MAD1L1: variants seen among roughly 807,000 people sequenced by gnomAD.
MAD1L1 encodes the protein mitotic spindle assembly checkpoint protein MAD1.
MAD1L1 carries 95 observed loss-of-function variants against 96.9 expected under a neutral mutation model. The observed-to-expected ratio is 0.98, with a 90% CI of 0.83 to 1.16. MAD1L1 has a LOEUF of 1.16. Ranked by LOEUF, MAD1L1 falls within the 50% of genes most tolerant of loss-of-function variation. The pLI, the probability that MAD1L1 is intolerant of heterozygous loss-of-function variation, is 0.00. For missense variants in MAD1L1, 1,007 were observed against 954.4 expected, an observed-to-expected ratio of 1.06 and a Z score of -0.73; for synonymous variants, 473 against 396.6, an observed-to-expected ratio of 1.19 and a Z score of -2.29.
chr7:1,961,183 A>G (rs1041634473), intron 15 of MAD1L1, among the ~76,000 whole-genome samples: 3 of 152,262 alleles, frequency 2.0e-5, no homozygotes, highest in East Asian at 1.9e-4. Context: ...TTCTCCCCCA[A>G]ATTAATCCAC....
chr7:1,984,560 GAT>G (rs1781060094), intron 14 of MAD1L1, among the ~76,000 whole-genome samples: 1 of 152,214 alleles, frequency 6.6e-6, no homozygotes, highest in Non-Finnish European at 1.5e-5. Context: ...CAACAGCGGT[GAT>G]GTGTTATTTG....
At chr7:2,196,226 A>G (rs186848179) in intron 10 of MAD1L1, among the ~76,000 whole-genome samples, 331 of 152,378 alleles carry the variant, frequency 2.2e-3, no homozygotes, top group Non-Finnish European at 2.9e-3. Context: ...AGGCTTTGTC[A>G]ACTACACAGC....
intron 3 of MAD1L1, among the ~76,000 whole-genome samples, chr7:2,226,851 G>A (rs377715171): frequency 2.0e-4 from 31 of 151,736 alleles, no homozygotes; most frequent in African/African-American, 6.5e-4. Flanking sequence ...TTAGCTGGTC[G>A]TGGTGGTACG....
chr7:2,085,304 G>A (rs867201634), intron 11 of MAD1L1, among the ~76,000 whole-genome samples: 4 of 152,174 alleles, frequency 2.6e-5, no homozygotes, highest in Non-Finnish European at 2.9e-5. Context: ...AGCAAGTAAC[G>A]GTGCCTGCTA....
At chr7:1,963,053 G>A (rs545065650) in intron 15 of MAD1L1, among the ~76,000 whole-genome samples, 11 of 152,292 alleles carry the variant, frequency 7.2e-5, no homozygotes, top group Admixed American at 3.3e-4. Context: ...GGGCAACCTC[G>A]GAACACGTTA....
At chr7:1,906,049 CAAAAAAAAA>C (rs10570929) in intron 17 of MAD1L1, among the ~76,000 whole-genome samples, 1 of 91,976 alleles carries the variant, frequency 1.1e-5, no homozygotes, top group Non-Finnish European at 2.1e-5. Context: ...GACTCCATCT[CAAAAAAAAA>C]AAAAAAAAAA....
At chr7:2,045,918 T>G (rs7801349) in intron 12 of MAD1L1, among the ~76,000 whole-genome samples, 1 of 152,020 alleles carries the variant, frequency 6.6e-6, no homozygotes, top group African/African-American at 2.4e-5. Context: ...GCCATCATCT[T>G]TAGGAGACAT....
chr7:1,831,846 A>C (rs1200749792), intron 18 of MAD1L1, among the ~76,000 whole-genome samples: 1 of 152,232 alleles, frequency 6.6e-6, no homozygotes, highest in Non-Finnish European at 1.5e-5. Flanking sequence ...GAATATTTTA[A>C]GCCCACTGTT....
intron 17 of MAD1L1, among the ~76,000 whole-genome samples, chr7:1,933,937 C>A (rs939615882): frequency 6.6e-6 from 1 of 152,184 alleles, no homozygotes; most frequent in Non-Finnish European, 1.5e-5. Flanking sequence ...CAGCTCCACC[C>A]GCCGCCGGCT....
chr7:2,184,428 T>C (rs1791361078), intron 10 of MAD1L1, among the ~76,000 whole-genome samples: 2 of 152,164 alleles, frequency 1.3e-5, no homozygotes, highest in African/African-American at 2.4e-5. Context: ...GAAAATATAA[T>C]GCAAATGGAA....
chr7:1,828,816 C>A (rs893390153), intron 18 of MAD1L1, among the ~76,000 whole-genome samples: 1 of 152,116 alleles, frequency 6.6e-6, no homozygotes, highest in African/African-American at 2.4e-5. Flanking sequence ...ACGTCAGAAG[C>A]GGCAGATCAC....
chr7:2,066,455 A>G (rs1041485977), intron 12 of MAD1L1, among the ~76,000 whole-genome samples: 1 of 152,228 alleles, frequency 6.6e-6, no homozygotes, highest in Non-Finnish European at 1.5e-5. Context: ...TCGTCAGGAT[A>G]AACAACCAGT....
At chr7:1,899,426 C>A (rs1043631597) in intron 17 of MAD1L1, among the ~76,000 whole-genome samples, 1 of 152,138 alleles carries the variant, frequency 6.6e-6, no homozygotes, top group Admixed American at 6.5e-5. Context: ...ATCCTGCAGG[C>A]CACGGGAGCT....
chr7:2,130,889 G>A (rs1450757652), intron 11 of MAD1L1, among the ~76,000 whole-genome samples: 4 of 152,196 alleles, frequency 2.6e-5, no homozygotes, highest in Non-Finnish European at 4.4e-5. Flanking sequence ...CCACCGCATC[G>A]AATCCGATCT....
chr7:2,178,198 CG>C (rs1791032907), intron 10 of MAD1L1, among the ~76,000 whole-genome samples: 1 of 152,134 alleles, frequency 6.6e-6, no homozygotes, highest in Admixed American at 6.5e-5. Flanking sequence ...TTGATAAAAA[CG>C]AAATATTTTC....
chr7:1,971,637 C>T (rs747717557), intron 15 of MAD1L1, among the ~76,000 whole-genome samples: 12 of 152,064 alleles, frequency 7.9e-5, no homozygotes, highest in Non-Finnish European at 1.6e-4. Flanking sequence ...TCTCAAAATC[C>T]CGGTAAAACA....
intron 16 of MAD1L1, 113 bp downstream of exon 16, chr7:1,957,516 C>G (rs957408521): frequency 9.5e-7 from 1 of 1,052,494 alleles, no homozygotes; most frequent in Non-Finnish European, 1.4e-6. Context: ...AGAGTTCAGA[C>G]AGACGAGCCA....
Position 1,920,749 on chromosome 7 carries a change from C to T in MAD1L1, c.1807+15938G>A, listed in dbSNP as rs374609467. 4.5e-4 allele frequency among the ~76,000 whole-genome samples: 69 copies of T among 152,354 alleles called. 1 individual carries two copies. In the South Asian group the frequency reaches 0.013, roughly 29 times the overall value. Reference sequence around the variant, plus strand: ...TAGAAATGACCAGTCCATGAGGTGACGGATACCCCAAATACCCCTGTGTGG... The same window carrying T: ...TAGAAATGACCAGTCCATGAGGTGATGGATACCCCAAATACCCCTGTGTGG... On this transcript the variant is annotated intron_variant, in intron 17 of 18. Transcript: ENST00000265854.
At chr7:1,939,295 A>G (rs1227857143) in intron 16 of MAD1L1, among the ~76,000 whole-genome samples, 1 of 145,726 alleles carries the variant, frequency 6.9e-6, no homozygotes, top group Admixed American at 6.8e-5. Flanking sequence ...GGCCGGGGCC[A>G]GCGGTGCACG....
Sources: gnomAD v4.1 joint callset for allele counts (sites outside exome capture counted in the v4.1 genomes callset) on GRCh38, gnomAD v4.1.1 for gene constraint, MANE v1.5 for transcripts, NCBI Gene and HGNC (gene_info 2026-07-23, HGNC 2026-07-21) for gene names.